The following MAN1A2 variants were observed in gnomAD, a reference collection of about 807,000 sequenced individuals.
MAN1A2 encodes mannosidase alpha class 1A member 2.
In MAN1A2, 26 loss-of-function variants were observed where a neutral mutation model predicts 75.7. The observed-to-expected ratio is 0.34, with a 90% CI of 0.25 to 0.48. The LOEUF is 0.48. MAN1A2 is among the 20% of genes least tolerant of loss of function. The probability of loss-of-function intolerance (pLI) is 0.99; values close to 1 mark genes in which losing one functional copy is unlikely to be tolerated. For synonymous variants in MAN1A2, 247 were observed against 264.6 expected (o/e 0.93, Z 0.65); for missense variants, 562 against 775.5 (o/e 0.72, Z 3.27).
intron 1 of MAN1A2, among the ~76,000 whole-genome samples, chr1:117,377,734 A>G (rs868095419): frequency 1.3e-4 from 20 of 152,340 alleles, no homozygotes; most frequent in Middle Eastern, 3.4e-3. Flanking sequence ...GGTTACTCCC[A>G]AAAGCACCAC....
intron 1 of MAN1A2, among the ~76,000 whole-genome samples, chr1:117,375,431 A>T (rs536427107): frequency 1.8e-4 from 27 of 152,250 alleles, no homozygotes; most frequent in South Asian, 1.2e-3. Context: ...TAGTTTTTTT[A>T]AAAAAAGAGG....
chr1:117,402,143 A>C, intron 1 of MAN1A2, 43 bp from the exon 2 acceptor site: 1 of 1,558,150 alleles, frequency 6.4e-7, no homozygotes. Flanking sequence ...TGACATTCTT[A>C]AGTAGGCTCA....
At position 117,517,937 on chromosome 1, in the gene MAN1A2, G is replaced by A. The variant is rs141603814; in HGVS notation, c.1794-4888G>A. The stretch of plus-strand genomic sequence containing the variant: ...GGAGAAAGAAAAATTAGGTAAACAG[G>A]AACAAATATAAAAATGGCAGCAAGA... On this transcript the variant is annotated intron_variant, in intron 12 of 12. Coordinates refer to ENST00000356554, the MANE Select transcript of MAN1A2 (RefSeq NM_006699.5). Among the ~76,000 whole-genome samples the A allele has an allele frequency of 4.1e-3, 626 of 151,846 alleles. 4 individuals carry two copies. The highest frequency in any genetic ancestry group is 0.014 in the African/African-American group (595 of 41,426).
At chr1:117,470,373 A>C (rs1318873331) in intron 8 of MAN1A2, among the ~76,000 whole-genome samples, 2 of 152,078 alleles carry the variant, frequency 1.3e-5, no homozygotes, top group Non-Finnish European at 2.9e-5. Flanking sequence ...GCAGTGATGA[A>C]AATTTTTGGA....
intron 8 of MAN1A2, among the ~76,000 whole-genome samples, chr1:117,483,645 A>G (rs113458307): frequency 0.14 from 21,524 of 152,024 alleles, 1,742 homozygotes; most frequent in South Asian, 0.22. Context: ...TTGGGCTGAG[A>G]CGATGGGGTT....
At chr1:117,440,660 T>C (rs1178328911) in intron 5 of MAN1A2, among the ~76,000 whole-genome samples, 1 of 152,084 alleles carries the variant, frequency 6.6e-6, no homozygotes, top group African/African-American at 2.4e-5. Flanking sequence ...ATATTTTTAG[T>C]TGAAAATTAG....
intron 3 of MAN1A2, among the ~76,000 whole-genome samples, chr1:117,412,261 C>T (rs568128875): frequency 4.0e-5 from 6 of 151,598 alleles, no homozygotes; most frequent in East Asian, 1.9e-4. Context: ...TAGTATTTCT[C>T]GAGAAAGATC....
At chr1:117,389,725 T>C (rs71668695) in intron 1 of MAN1A2, among the ~76,000 whole-genome samples, 5 of 151,938 alleles carry the variant, frequency 3.3e-5, no homozygotes. Context: ...TTTTTTTTTG[T>C]GTGTGTCTGA....
chr1:117,369,325 A>G (rs1256635576), intron 1 of MAN1A2, among the ~76,000 whole-genome samples: 1 of 152,146 alleles, frequency 6.6e-6, no homozygotes, highest in Non-Finnish European at 1.5e-5. Flanking sequence ...CAATTTTTAT[A>G]ATTTTTATAT....
intron 1 of MAN1A2, among the ~76,000 whole-genome samples, chr1:117,373,898 A>T (rs1292895216): frequency 1.6e-5 from 2 of 127,666 alleles, no homozygotes; most frequent in African/African-American, 6.3e-5. Context: ...TCAGTAGTAC[A>T]TGGTAAACAT....
At chr1:117,459,354 A>G (rs1205881909) in intron 6 of MAN1A2, among the ~76,000 whole-genome samples, 1 of 152,190 alleles carries the variant, frequency 6.6e-6, no homozygotes, top group Non-Finnish European at 1.5e-5. Flanking sequence ...ACCCAGCAGA[A>G]AATAGCAGAA....
At chr1:117,409,994 A>G (rs1647753472) in intron 3 of MAN1A2, among the ~76,000 whole-genome samples, 2 of 151,978 alleles carry the variant, frequency 1.3e-5, no homozygotes, top group Admixed American at 1.3e-4. Context: ...CTTTTATAAA[A>G]TAGTATATAA....
At position 117,526,880 on chromosome 1, in the gene MAN1A2, C is replaced by CTCTATATATATATATATATATATATA; in HGVS notation, c.*3924_*3925insCTATATATATATATATATATATATAT. The CTCTATATATATATATATATATATATA allele has an allele frequency of 1.8e-5, 1 of 54,518 alleles. No homozygotes were observed. The highest frequency in any genetic ancestry group is 8.1e-5 in the African/African-American group (1 of 12,286). The allele number at this position is 54,518 out of a possible 1,614,324, so 3.4% of individuals were successfully genotyped here. A position where few individuals can be genotyped will look rare whatever the true frequency, so the allele number is the denominator to read the frequency against. On this transcript the variant is annotated 3_prime_UTR_variant, in exon 13 of 13. Coordinates refer to ENST00000356554, the MANE Select transcript of MAN1A2 (RefSeq NM_006699.5). ...TCTCTCTCTCTCTCTCTCTCTCTCTCTATATATATATATATATATATATAT... is the reference window on the plus strand; with the variant it reads ...TCTCTCTCTCTCTCTCTCTCTCTCTCTCTATATATATATATATATATATATATATATATATATATATATATATATAT...
intron 5 of MAN1A2, among the ~76,000 whole-genome samples, chr1:117,428,784 C>CTTTTT (rs780515731): frequency 7.4e-4 from 81 of 109,514 alleles, no homozygotes; most frequent in Middle Eastern, 6.9e-3. Context: ...GGAGACCTTT[C>CTTTTT]TTTTTTTTTT....
chr1:117,399,831 C>T (rs1289445066), intron 1 of MAN1A2, among the ~76,000 whole-genome samples: 1 of 152,132 alleles, frequency 6.6e-6, no homozygotes, highest in Non-Finnish European at 1.5e-5. Context: ...TTTGTTAATC[C>T]GTAAAGGAAA....
intron 6 of MAN1A2, among the ~76,000 whole-genome samples, chr1:117,457,840 A>G (rs1041534580): frequency 6.6e-6 from 1 of 152,172 alleles, no homozygotes; most frequent in Non-Finnish European, 1.5e-5. Context: ...TTCATAGTCC[A>G]GATTATACCT....
In MAN1A2 at chr1:117,527,712, C is replaced by A. The variant is rs1011747927; in HGVS notation, c.*4755C>A. On this transcript the variant is annotated 3_prime_UTR_variant, in exon 13 of 13. Coordinates refer to ENST00000356554, the MANE Select transcript of MAN1A2 (RefSeq NM_006699.5). ...GTGTATTGTCAAAATAATATACTCTCCAAGTTCTCCTGCTCATTGACCCTT... is the reference window on the plus strand; with the variant it reads ...GTGTATTGTCAAAATAATATACTCTACAAGTTCTCCTGCTCATTGACCCTT... 1 of 151,996 alleles carries A rather than the reference C, an allele frequency of 6.6e-6. No homozygotes were observed. Among genetic ancestry groups the A allele is most frequent in the African/African-American group, 2.4e-5 (1 of 41,410 alleles). The allele number at this position is 151,996 out of a possible 1,614,324, so 9.4% of individuals were successfully genotyped here.
chr1:117,472,845 A>G (rs1462054987), intron 8 of MAN1A2, among the ~76,000 whole-genome samples: 1 of 151,980 alleles, frequency 6.6e-6, no homozygotes, highest in Non-Finnish European at 1.5e-5. Context: ...AAAGCTCATC[A>G]GCTATCATTA....
chr1:117,449,870 T>C (rs1328532114), intron 6 of MAN1A2, among the ~76,000 whole-genome samples: 3 of 152,188 alleles, frequency 2.0e-5, no homozygotes, highest in African/African-American at 7.2e-5. Context: ...CTGTGAATGC[T>C]AAGAGAGGTG....
Sources: allele counts gnomAD v4.1 joint callset (sites outside exome capture counted in the v4.1 genomes callset), GRCh38; gene constraint gnomAD v4.1.1; transcripts MANE v1.5; gene names NCBI Gene and HGNC (gene_info 2026-07-23, HGNC 2026-07-21).